The following SGPP1 variants were observed in gnomAD, a reference collection of about 807,000 sequenced individuals.
SGPP1 encodes the protein sphingosine-1-phosphate phosphatase 1, also known as hSPP1.
A neutral mutation model predicts 33.0 loss-of-function variants in SGPP1; 21 were observed. The observed-to-expected ratio is 0.64, with a 90% CI of 0.45 to 0.92. SGPP1 has a LOEUF of 0.92. Among genes scored for constraint, SGPP1 ranks in the 40% least tolerant of loss-of-function variants. The pLI, the probability that SGPP1 is intolerant of heterozygous loss-of-function variation, is 0.00. For missense variants in SGPP1, 543 were observed against 589.4 expected, an observed-to-expected ratio of 0.92 and a Z score of 0.81; for synonymous variants, 239 against 241.2, an observed-to-expected ratio of 0.99 and a Z score of 0.08.
At chr14:63,693,065 A>C (rs535638534) in intron 2 of SGPP1, among the ~76,000 whole-genome samples, 49 of 152,192 alleles carry the variant, frequency 3.2e-4, no homozygotes, top group African/African-American at 1.2e-3. Flanking sequence ...AGTAGCTGGG[A>C]CCACAGGCAC....
At chr14:63,711,834 A>G (rs962967826) in intron 1 of SGPP1, among the ~76,000 whole-genome samples, 1 of 152,148 alleles carries the variant, frequency 6.6e-6, no homozygotes, top group African/African-American at 2.4e-5. Flanking sequence ...GTTCCAGACC[A>G]GCCTGGCCAA....
In SGPP1 at chr14:63,686,046, A is replaced by G. The variant is rs924855126; in HGVS notation, c.*59T>C. 9.7e-7 allele frequency: 1 copy of G among 1,032,432 alleles called. No individual in the cohort carries two copies. The highest frequency in any genetic ancestry group is 1.4e-6 in the Non-Finnish European group (1 of 727,690). 64.0% of individuals were successfully genotyped at this position (1,032,432 alleles called of 1,614,324 possible). ...ATTCTGACCTGGCTTTACCTGGAAT[A>G]TATTTTTGGGTATCAGTAACTGATA... On this transcript the variant is annotated 3_prime_UTR_variant, in exon 3 of 3. Coordinates refer to ENST00000247225, the MANE Select transcript of SGPP1 (RefSeq NM_030791.4).
chr14:63,687,190 C>T (rs990872174), intron 2 of SGPP1, among the ~76,000 whole-genome samples: 8 of 152,110 alleles, frequency 5.3e-5, no homozygotes, highest in Admixed American at 3.9e-4. Flanking sequence ...TCTGTAATCC[C>T]ATCCCTTTGG....
chr14:63,723,885 C>CT (rs1054400972), intron 1 of SGPP1, among the ~76,000 whole-genome samples: 35 of 148,830 alleles, frequency 2.4e-4, no homozygotes, highest in African/African-American at 3.2e-4. Flanking sequence ...TGTACGCTGT[C>CT]TTTTTTTTTT....
intron 1 of SGPP1, among the ~76,000 whole-genome samples, chr14:63,711,343 T>C (rs1038478235): frequency 3.3e-5 from 5 of 152,112 alleles, no homozygotes; most frequent in Admixed American, 6.6e-5. Context: ...GGATTTATAT[T>C]GGTGGGAAAA....
intron 1 of SGPP1, among the ~76,000 whole-genome samples, chr14:63,707,666 G>T (rs1885443370): frequency 1.3e-5 from 2 of 151,612 alleles, no homozygotes; most frequent in Non-Finnish European, 2.9e-5. Context: ...GGCTGGTCTT[G>T]AACTGCCAAC....
At chr14:63,717,464 G>C (rs1379739367) in intron 1 of SGPP1, among the ~76,000 whole-genome samples, 1 of 152,012 alleles carries the variant, frequency 6.6e-6, no homozygotes, top group Non-Finnish European at 1.5e-5. Context: ...TGGGACTACA[G>C]GCACCCACCA....
chr14:63,690,151 C>G (rs1885062200), intron 2 of SGPP1, among the ~76,000 whole-genome samples: 1 of 152,142 alleles, frequency 6.6e-6, no homozygotes, highest in Non-Finnish European at 1.5e-5. Flanking sequence ...TTGTCCTCCC[C>G]ACTTCAGCCT....
chr14:63,727,410 C>G lies in SGPP1; in HGVS notation c.535G>C (p.Asp179His). The G allele has an allele frequency of 6.2e-7, 1 of 1,614,068 alleles. No individual in the cohort carries two copies. Among genetic ancestry groups the G allele is most frequent in the Non-Finnish European group, 8.5e-7 (1 of 1,180,032 alleles). The change falls in exon 1 of 3, where the codon GAC (aspartate) becomes CAC (histidine). Residue 179 changes from aspartate (D) to histidine (H), a missense_variant. Physicochemically the swap from Asp to His is moderately conservative, Grantham distance 81 (BLOSUM62 -1). Coordinates refer to ENST00000247225, the MANE Select transcript of SGPP1 (RefSeq NM_030791.4). ...GCGGGCCTCGGCCAGCGGATGATGT[C>G]CTTGGTGCACTGGCCCAGGTACATG... ...LVMYLGQCTK[D>H]IIRWPRPASP...
At chr14:63,711,949 G>C (rs892355421) in intron 1 of SGPP1, among the ~76,000 whole-genome samples, 1 of 150,456 alleles carries the variant, frequency 6.6e-6, no homozygotes, top group African/African-American at 2.5e-5. Flanking sequence ...AGAATCGCTT[G>C]AACCTGGGAG....
intron 1 of SGPP1, among the ~76,000 whole-genome samples, chr14:63,725,690 ACT>A (rs1383573632): frequency 6.6e-6 from 1 of 152,226 alleles, no homozygotes; most frequent in Non-Finnish European, 1.5e-5. Flanking sequence ...ATTCAGCAGT[ACT>A]GTTTTCAGAC....
At chr14:63,687,482 A>G (rs1273042606) in intron 2 of SGPP1, among the ~76,000 whole-genome samples, 1 of 152,224 alleles carries the variant, frequency 6.6e-6, no homozygotes, top group Admixed American at 6.5e-5. Flanking sequence ...TCAGATTGTT[A>G]TGAATCTTAT....
chr14:63,698,170 A>G (rs1292922653), intron 2 of SGPP1, among the ~76,000 whole-genome samples: 1 of 152,222 alleles, frequency 6.6e-6, no homozygotes, highest in Non-Finnish European at 1.5e-5. Context: ...TGGCCCCTGG[A>G]AAGTTTAAGT....
intron 1 of SGPP1, among the ~76,000 whole-genome samples, chr14:63,714,341 C>T (rs916745088): frequency 4.6e-5 from 7 of 152,174 alleles, no homozygotes; most frequent in Admixed American, 2.0e-4. Flanking sequence ...CAGATGACCA[C>T]AGTTAATAAA....
chr14:63,718,919 T>C (rs1289794720), intron 1 of SGPP1, among the ~76,000 whole-genome samples: 1 of 138,000 alleles, frequency 7.2e-6, no homozygotes, highest in African/African-American at 2.6e-5. Flanking sequence ...AATACAATGT[T>C]AAAATTACTT....
rs1566819363 is a variant in SGPP1, at chr14:63,698,664, G to A, written c.685-6C>T. 2 of 1,533,794 alleles carry A rather than the reference G, an allele frequency of 1.3e-6. No homozygotes were observed. The highest frequency in any genetic ancestry group is 1.8e-6 in the Non-Finnish European group (2 of 1,136,088). On this transcript the variant is annotated splice_region_variant and splice_polypyrimidine_tract_variant and intron_variant, in intron 1 of 2. Coordinates refer to ENST00000247225, the MANE Select transcript of SGPP1 (RefSeq NM_030791.4). ...AGTCCATATATAAGAGGGTACTAAA[G>A]GGGAAAAAAAGTAAAATTAGTTAAA... is the stretch of plus-strand genomic sequence containing the variant.
At chr14:63,717,339 G>T (rs573061774) in intron 1 of SGPP1, among the ~76,000 whole-genome samples, 1 of 149,988 alleles carries the variant, frequency 6.7e-6, no homozygotes, top group East Asian at 1.9e-4. Flanking sequence ...TTTTGAGACG[G>T]AGTCTCACTC....
intron 2 of SGPP1, 81 bp downstream of exon 2, chr14:63,698,488 G>T: frequency 1.4e-6 from 1 of 738,494 alleles, no homozygotes; most frequent in Non-Finnish European, 2.1e-6. Flanking sequence ...CTTCAGGTAA[G>T]TTTGCAAATG....
At chr14:63,701,166 A>T (rs1369691082) in intron 1 of SGPP1, among the ~76,000 whole-genome samples, 3 of 151,986 alleles carry the variant, frequency 2.0e-5, no homozygotes, top group Non-Finnish European at 4.4e-5. Context: ...AATATTTTGC[A>T]GAGACAGGGT....
Sources: allele counts gnomAD v4.1 joint callset (sites outside exome capture counted in the v4.1 genomes callset), GRCh38; gene constraint gnomAD v4.1.1; transcripts MANE v1.5; gene names NCBI Gene and HGNC (gene_info 2026-07-23, HGNC 2026-07-21).